Variants in CTPS1 observed in about 807,000 individuals in gnomAD.
CTPS1 encodes CTP synthase 1, also known as CTP synthetase 1.
A neutral mutation model predicts 80.5 loss-of-function variants in CTPS1; 25 were observed. The ratio of observed to expected loss-of-function variants is 0.31; its 90% CI spans 0.23 to 0.43. The LOEUF (loss-of-function observed/expected upper bound fraction) is 0.43, where lower values mean the gene tolerates loss of function less well. Ranked by LOEUF, CTPS1 falls within the 20% of genes least tolerant of loss-of-function variation. The pLI, the probability that CTPS1 is intolerant of heterozygous loss-of-function variation, is 1.00. For synonymous variants in CTPS1, 267 were observed against 252.5 expected (o/e 1.06, Z -0.54); for missense variants, 442 against 725.7 (o/e 0.61, Z 4.49).
intron 12 of CTPS1, 30 bp from the exon 13 acceptor site, chr1:41,006,019 CTA>C (rs771612543): frequency 2.2e-5 from 35 of 1,566,972 alleles, no homozygotes; most frequent in Middle Eastern, 1.7e-4. Context: ...TCGTTTGTAA[CTA>C]TTTTCATAAC....
rs1454126563 is a variant in CTPS1, at chr1:40,997,378, GAC to G, written c.873-15_873-14del. 5.6e-6 allele frequency: 9 copies of G among 1,607,802 alleles called. No individual in the cohort carries two copies. Among genetic ancestry groups the G allele is most frequent in the Non-Finnish European group, 7.6e-6 (9 of 1,177,604 alleles). On this transcript the variant is annotated splice_polypyrimidine_tract_variant and intron_variant, in intron 8 of 18. Transcript: ENST00000650070. ...CCTTCTGAGTAATTGGGTTTTTCTT[GAC>G]GTTTATTTGATAGATATGATCGCTT...
Position 40,995,969 on chromosome 1 carries a change from A to T in CTPS1, c.773A>T (p.Glu258Val). The stretch of plus-strand genomic sequence containing the variant: ...ATCTACCGAGTCCCCTTGTTGTTAG[A>T]GGAGCAAGGGGTTGTAGATTATTTT... ...SSIYRVPLLL[E>V]EQGVVDYFLR... is the part of the protein sequence containing the mutation. Residue 258 changes from glutamate to valine, a missense_variant, in exon 8 of 19, where the codon GAG becomes GTG. Glu to Val is a moderately radical substitution (Grantham distance 121). Coordinates refer to ENST00000650070, the MANE Select transcript of CTPS1 (RefSeq NM_001905.4). The T allele has an allele frequency of 1.2e-6, 2 of 1,614,208 alleles. No individual in the cohort carries two copies. The highest frequency in any genetic ancestry group is 1.7e-6 in the Non-Finnish European group (2 of 1,180,042).
At chr1:41,000,597 A>G (rs955691190) in intron 9 of CTPS1, among the ~76,000 whole-genome samples, 4 of 152,062 alleles carry the variant, frequency 2.6e-5, no homozygotes, top group African/African-American at 7.2e-5. Flanking sequence ...TCTTCAAAGT[A>G]TGCACTTAAA....
chr1:40,998,617 A>G (rs1642822818), intron 9 of CTPS1, among the ~76,000 whole-genome samples: 1 of 152,144 alleles, frequency 6.6e-6, no homozygotes, highest in East Asian at 1.9e-4. Flanking sequence ...TATGCCTGGC[A>G]TATGGTAAGC....
At chr1:41,009,737 C>G (rs1558173222) in intron 17 of CTPS1, 148 bp downstream of exon 17, 1 of 939,828 alleles carries the variant, frequency 1.1e-6, no homozygotes, top group Non-Finnish European at 1.6e-6. Flanking sequence ...TTTCCCGGAG[C>G]TTTCTCACGG....
rs374888417 is a variant in CTPS1, at chr1:41,009,470, G to A, written c.1572G>A (p.Gln524=). The part of the protein sequence containing the change: ...LEDHPFFVGV[Q]YHPEFLSRPI... ...ATCATCCCTTTTTTGTTGGGGTTCA[G>A]TACCACCCTGAGTTCCTGTCCAGGC... Residue 524 remains glutamine (Q), a synonymous_variant, in exon 17 of 19, where the codon CAG becomes CAA. Transcript: ENST00000650070. The A allele has an allele frequency of 5.6e-6, 9 of 1,603,812 alleles. 1 individual carries two copies. The highest frequency in any genetic ancestry group is 4.0e-5 in the African/African-American group (3 of 74,284).
intron 9 of CTPS1, among the ~76,000 whole-genome samples, chr1:41,000,105 A>C (rs560880787): frequency 6.6e-6 from 1 of 152,382 alleles, no homozygotes; most frequent in Admixed American, 6.5e-5. Flanking sequence ...ATTTGGCTCC[A>C]TTTATATGAT....
At chr1:40,997,919 C>G (rs1259877045) in intron 9 of CTPS1, among the ~76,000 whole-genome samples, 3 of 152,152 alleles carry the variant, frequency 2.0e-5, no homozygotes, top group African/African-American at 7.2e-5. Flanking sequence ...TCACTTATTG[C>G]AGAGTGGGAA....
At chr1:40,984,581 A>G (rs945337203) in intron 2 of CTPS1, among the ~76,000 whole-genome samples, 1 of 152,234 alleles carries the variant, frequency 6.6e-6, no homozygotes, top group South Asian at 2.1e-4. Flanking sequence ...ATCCCATGCT[A>G]TTTTATAACT....
intron 16 of CTPS1, 122 bp downstream of exon 16, chr1:41,009,012 C>A (rs1176964525): frequency 1.0e-5 from 8 of 798,998 alleles, no homozygotes; most frequent in Non-Finnish European, 1.5e-5. Flanking sequence ...AGCACTGTCT[C>A]ATGAGGGAAG....
At chr1:40,983,567 C>G in intron 2 of CTPS1, 111 bp downstream of exon 2, 2 of 797,040 alleles carry the variant, frequency 2.5e-6, no homozygotes. Context: ...TAACAGGTCC[C>G]TTAATACAGC....
At position 41,003,188 on chromosome 1, in the gene CTPS1, T is replaced by A; in HGVS notation, c.1252+12T>A. 1 of 1,613,970 alleles carries A rather than the reference T, an allele frequency of 6.2e-7. No individual in the cohort carries two copies. The highest frequency in any genetic ancestry group is 8.5e-7 in the Non-Finnish European group (1 of 1,179,860). On this transcript the variant is annotated intron_variant, in intron 12 of 18. Coordinates refer to ENST00000650070, the MANE Select transcript of CTPS1 (RefSeq NM_001905.4). ...GCTGGGATGGCAAGGTAAGCGTGCA[T>A]TAAGACACTCATTCAATTCCCGCTT...
At chr1:40,995,825 C>A in intron 7 of CTPS1, 92 bp from the exon 8 acceptor site, 1 of 1,285,994 alleles carries the variant, frequency 7.8e-7, no homozygotes, top group Non-Finnish European at 1.1e-6. Context: ...TTTTCAAATA[C>A]ATAATATTTT....
chr1:40,987,188 G>A (rs1435905200), intron 3 of CTPS1, among the ~76,000 whole-genome samples, 184 bp from the exon 4 acceptor site: 4 of 152,196 alleles, frequency 2.6e-5, no homozygotes, highest in Non-Finnish European at 5.9e-5. Flanking sequence ...ACATCTGGCT[G>A]CAGGAAGTGT....
chr1:41,000,800 A>G (rs12731155), intron 9 of CTPS1: 91,539 of 248,228 alleles, frequency 0.37, 18,569 homozygotes, highest in Admixed American at 0.5. Flanking sequence ...AGATTTGGGA[A>G]TTTAATGATT....
rs1642748022 is a variant in CTPS1, at chr1:40,996,193, C to A, written c.872+125C>A. On this transcript the variant is annotated intron_variant, in intron 8 of 18. Coordinates refer to ENST00000650070, the MANE Select transcript of CTPS1 (RefSeq NM_001905.4). ...TCTGCCATCCACTCATTAGAAGAGC[C>A]TTTGTAGTAAGAGATGTTCAGAAAG... 6.9e-6 allele frequency: 7 copies of A among 1,014,722 alleles called. No homozygotes were observed. In the South Asian group the frequency reaches 1.0e-4, roughly 15 times the overall value. The allele number at this position is 1,014,722 out of a possible 1,614,324, so 62.9% of individuals were successfully genotyped here. A position where few individuals can be genotyped will look rare whatever the true frequency, so the allele number is the denominator to read the frequency against.
At chr1:40,985,858 T>G (rs2148389339) in intron 3 of CTPS1, among the ~76,000 whole-genome samples, 1 of 152,200 alleles carries the variant, frequency 6.6e-6, no homozygotes, top group East Asian at 1.9e-4. Context: ...TTCTGTAAAA[T>G]GGAGACAATA....
At chr1:41,002,645 A>G (rs1370640846) in intron 11 of CTPS1, among the ~76,000 whole-genome samples, 1 of 152,230 alleles carries the variant, frequency 6.6e-6, no homozygotes, top group Admixed American at 6.5e-5. Context: ...TTGAACAATT[A>G]TAAATAAAAA....
intron 10 of CTPS1, 53 bp downstream of exon 10, chr1:41,001,170 T>C: frequency 5.2e-6 from 7 of 1,348,144 alleles, no homozygotes; most frequent in African/African-American, 1.5e-5. Flanking sequence ...TTTGTTTTAA[T>C]GAAAAAGTCC....
Sources: allele counts gnomAD v4.1 joint callset (sites outside exome capture counted in the v4.1 genomes callset), GRCh38; gene constraint gnomAD v4.1.1; transcripts MANE v1.5; gene names NCBI Gene and HGNC (gene_info 2026-07-23, HGNC 2026-07-21).